CNTNAP5: variants seen among roughly 807,000 people sequenced by gnomAD.
The protein encoded by CNTNAP5 is contactin associated protein family member 5.
A neutral mutation model predicts 150.2 loss-of-function variants in CNTNAP5; 72 were observed. The observed-to-expected ratio is 0.48, with a 90% CI of 0.40 to 0.58. The LOEUF (loss-of-function observed/expected upper bound fraction) is 0.58. CNTNAP5 is among the 20% of genes least tolerant of loss of function. The pLI is 0.00. For synonymous variants in CNTNAP5, 672 were observed against 619.8 expected (o/e 1.08, Z -1.25); for missense variants, 1,636 against 1,626.2 (o/e 1.01, Z -0.10).
chr2:124,301,290 C>T (rs759884079), intron 3 of CNTNAP5, among the ~76,000 whole-genome samples: 4 of 152,188 alleles, frequency 2.6e-5, no homozygotes, highest in Non-Finnish European at 5.9e-5. Context: ...TATCGATCAA[C>T]GTGTTAAACT....
intron 19 of CNTNAP5, among the ~76,000 whole-genome samples, chr2:124,862,255 T>C (rs1677542504): frequency 1.3e-5 from 2 of 152,338 alleles, no homozygotes; most frequent in Non-Finnish European, 2.9e-5. Context: ...AATGTTAATA[T>C]ATAAACAACA....
chr2:124,398,284 G>A (rs546261857), intron 3 of CNTNAP5, among the ~76,000 whole-genome samples: 67 of 152,226 alleles, frequency 4.4e-4, no homozygotes, highest in Non-Finnish European at 8.2e-4. Flanking sequence ...GATGAACAAG[G>A]AGAGTGCCAC....
At chr2:124,695,879 T>C (rs910730640) in intron 13 of CNTNAP5, among the ~76,000 whole-genome samples, 10 of 152,142 alleles carry the variant, frequency 6.6e-5, no homozygotes, top group African/African-American at 2.2e-4. Flanking sequence ...CTTGTGCATA[T>C]TTTTGCTTGT....
In CNTNAP5 at chr2:124,914,073, C is replaced by T. The variant is rs757095255; in HGVS notation, c.3728-19C>T. 1.4e-5 allele frequency: 22 copies of T among 1,589,564 alleles called. No homozygotes were observed. Among genetic ancestry groups the T allele is most frequent in the African/African-American group, 2.7e-5 (2 of 74,346 alleles). On this transcript the variant is annotated intron_variant, in intron 23 of 23. Coordinates refer to ENST00000682447, the MANE Select transcript of CNTNAP5 (RefSeq NM_001367498.1). ...CTCATGACGATTTCCTTCTCTCTTT[C>T]CTTCCCCTTTCTCTCCAGGGGTGAT... is the stretch of plus-strand genomic sequence containing the variant.
At chr2:124,868,865 T>C (rs1677686206) in intron 20 of CNTNAP5, among the ~76,000 whole-genome samples, 1 of 152,092 alleles carries the variant, frequency 6.6e-6, no homozygotes, top group Non-Finnish European at 1.5e-5. Context: ...GGACTCTTTC[T>C]GGGAATAGCA....
At chr2:124,419,722 C>A (rs1692033519) in intron 4 of CNTNAP5, among the ~76,000 whole-genome samples, 1 of 152,096 alleles carries the variant, frequency 6.6e-6, no homozygotes, top group African/African-American at 2.4e-5. Context: ...CAAGCAGGAA[C>A]CCTATAATCT....
At position 124,356,656 on chromosome 2, in the gene CNTNAP5, A is replaced by C. The variant is rs568257935; in HGVS notation, c.382-60787A>C. On this transcript the variant is annotated intron_variant, in intron 3 of 23. Transcript: ENST00000682447. The stretch of plus-strand genomic sequence containing the variant: ...TGAGCTCATCATTTTTTATGGCTGC[A>C]TAGTATTCCATGGTGTATATGTGCC... 6.2e-3 allele frequency among the ~76,000 whole-genome samples: 940 copies of C among 152,168 alleles called. 10 individuals are homozygous for C. Among genetic ancestry groups the C allele is most frequent in the Middle Eastern group, 0.017 (5 of 294 alleles).
At chr2:124,748,029 T>A (rs1680646542) in intron 14 of CNTNAP5, among the ~76,000 whole-genome samples, 2 of 151,860 alleles carry the variant, frequency 1.3e-5, no homozygotes, top group African/African-American at 4.8e-5. Context: ...ATTTATGATA[T>A]GTGGACTATA....
intron 13 of CNTNAP5, among the ~76,000 whole-genome samples, chr2:124,721,696 G>C (rs1680053722): frequency 1.3e-5 from 2 of 151,986 alleles, no homozygotes; most frequent in East Asian, 3.9e-4. Flanking sequence ...TTAAGGGAAA[G>C]TATGGTTTTC....
chr2:124,798,460 T>C lies in CNTNAP5; in HGVS notation c.3217+140T>C, dbSNP rs192677107. 1.1e-5 allele frequency: 7 copies of C among 634,520 alleles called. No homozygotes were observed. In the Admixed American group the frequency reaches 2.0e-4, roughly 18 times the overall value. The allele number at this position is 634,520 out of a possible 1,614,324, so 39.3% of individuals were successfully genotyped here. On this transcript the variant is annotated intron_variant, in intron 19 of 23. Coordinates refer to ENST00000682447, the MANE Select transcript of CNTNAP5 (RefSeq NM_001367498.1). ...ATTTCCAGACTTCCAGCCAAATCCT[T>C]GATTATTCTTTACCTTTATGAGATG...
chr2:124,378,359 A>G (rs1360013042), intron 3 of CNTNAP5, among the ~76,000 whole-genome samples: 1 of 151,410 alleles, frequency 6.6e-6, no homozygotes, highest in African/African-American at 2.4e-5. Context: ...CACCTACCCC[A>G]CTCTCTCTCT....
intron 9 of CNTNAP5, among the ~76,000 whole-genome samples, chr2:124,526,550 T>C (rs1018264505): frequency 6.6e-6 from 1 of 152,226 alleles, no homozygotes; most frequent in African/African-American, 2.4e-5. Context: ...CTCATATACC[T>C]GCAAGGCTCT....
intron 11 of CNTNAP5, among the ~76,000 whole-genome samples, chr2:124,573,602 A>G (rs879809131): frequency 6.6e-6 from 1 of 152,262 alleles, no homozygotes; most frequent in Non-Finnish European, 1.5e-5. Context: ...TTTGAATACC[A>G]AGCAAGAAAA....
At chr2:124,297,963 G>A (rs1208510386) in intron 3 of CNTNAP5, among the ~76,000 whole-genome samples, 1 of 151,782 alleles carries the variant, frequency 6.6e-6, no homozygotes, top group Non-Finnish European at 1.5e-5. Context: ...TCCTGCCTCA[G>A]CCTCCTGAGT....
chr2:124,764,162 T>C lies in CNTNAP5; in HGVS notation c.2533+15T>C. 6.2e-7 allele frequency: 1 copy of C among 1,603,910 alleles called. No homozygotes were observed. Among genetic ancestry groups the C allele is most frequent in the Non-Finnish European group, 8.5e-7 (1 of 1,171,842 alleles). ...CGAAATAAGCTGTAAGTGCCCTCAA[T>C]TATGAATTTAATGTAACTGATCAAC... On this transcript the variant is annotated intron_variant, in intron 16 of 23. Coordinates refer to ENST00000682447, the MANE Select transcript of CNTNAP5 (RefSeq NM_001367498.1).
At chr2:124,469,067 C>T (rs927464588) in intron 6 of CNTNAP5, among the ~76,000 whole-genome samples, 2 of 152,242 alleles carry the variant, frequency 1.3e-5, no homozygotes, top group South Asian at 2.1e-4. Flanking sequence ...ACCCAACTCA[C>T]ATCCAGTTTC....
chr2:124,105,081 C>T (rs1683146746), intron 1 of CNTNAP5, among the ~76,000 whole-genome samples: 1 of 138,456 alleles, frequency 7.2e-6, no homozygotes, highest in Admixed American at 7.2e-5. Context: ...CTTTTTAATA[C>T]ACACCTATTA....
chr2:124,051,416 G>T (rs1247038883), intron 1 of CNTNAP5, among the ~76,000 whole-genome samples: 1 of 152,164 alleles, frequency 6.6e-6, no homozygotes, highest in Non-Finnish European at 1.5e-5. Flanking sequence ...AATAACAAGG[G>T]CACTCTAGGG....
intron 10 of CNTNAP5, among the ~76,000 whole-genome samples, chr2:124,534,141 G>T (rs1695176801): frequency 1.3e-5 from 2 of 152,136 alleles, no homozygotes; most frequent in South Asian, 2.1e-4. Context: ...AGAGAGTGTG[G>T]AATGATAGGC....
Sources: gnomAD v4.1 joint callset for allele counts (sites outside exome capture counted in the v4.1 genomes callset) on GRCh38, gnomAD v4.1.1 for gene constraint, MANE v1.5 for transcripts, NCBI Gene and HGNC (gene_info 2026-07-23, HGNC 2026-07-21) for gene names.